SDK1: variants seen among roughly 807,000 people sequenced by gnomAD.
SDK1 encodes the protein protein sidekick-1.
Under a neutral mutation model 245.5 loss-of-function variants are expected in SDK1, and 157 were observed. That is an observed-to-expected ratio of 0.64 (90% CI 0.56 to 0.73). The LOEUF is 0.73. Ranked by LOEUF, SDK1 falls within the 30% of genes least tolerant of loss-of-function variation. The pLI, the probability that SDK1 is intolerant of heterozygous loss-of-function variation, is 0.00. For missense variants in SDK1, 3,583 were observed against 3,002.3 expected (o/e 1.19, Z -4.52); for synonymous variants, 1,647 against 1,278.5 (o/e 1.29, Z -6.15).
chr7:4,087,479 G>GCGCACACA (rs1554336240), intron 22 of SDK1, among the ~76,000 whole-genome samples: 23 of 150,356 alleles, frequency 1.5e-4, no homozygotes, highest in African/African-American at 5.1e-4. Flanking sequence ...ACACACGCGC[G>GCGCACACA]CACACACACA....
intron 4 of SDK1, among the ~76,000 whole-genome samples, chr7:3,755,942 T>C (rs2114983436): frequency 6.6e-6 from 1 of 152,104 alleles, no homozygotes. Context: ...ATGTATATCG[T>C]TTTAACTCTG....
At chr7:4,154,392 A>G (rs969027883) in intron 30 of SDK1, among the ~76,000 whole-genome samples, 1 of 152,170 alleles carries the variant, frequency 6.6e-6, no homozygotes, top group African/African-American at 2.4e-5. Context: ...AAGAGATTAG[A>G]TGGCAGATGT....
chr7:3,532,194 C>G (rs1783370512), intron 1 of SDK1, among the ~76,000 whole-genome samples: 1 of 152,198 alleles, frequency 6.6e-6, no homozygotes, highest in Non-Finnish European at 1.5e-5. Context: ...TCCAGTACCT[C>G]TTCTTTCTCC....
At chr7:4,158,387 A>C (rs896503039) in intron 30 of SDK1, 61 bp from the exon 31 acceptor site, 7 of 1,369,870 alleles carry the variant, frequency 5.1e-6, no homozygotes, top group Admixed American at 1.7e-5. Context: ...TTCACCAGGA[A>C]TGCCTGAGGG....
intron 42 of SDK1, 113 bp downstream of exon 42, chr7:4,237,897 T>G: frequency 7.8e-7 from 1 of 1,275,348 alleles, no homozygotes; most frequent in Non-Finnish European, 1.1e-6. Flanking sequence ...TTCATTTGCT[T>G]GTAGGTGCTG....
At chr7:3,801,960 T>C (rs1377296920) in intron 4 of SDK1, among the ~76,000 whole-genome samples, 1 of 152,254 alleles carries the variant, frequency 6.6e-6, no homozygotes, top group African/African-American at 2.4e-5. Flanking sequence ...CTTTCTGCTT[T>C]CATGGATTGA....
chr7:4,222,625 G>T (rs1003542824), intron 40 of SDK1, among the ~76,000 whole-genome samples: 5 of 152,182 alleles, frequency 3.3e-5, no homozygotes, highest in Non-Finnish European at 7.3e-5. Flanking sequence ...GAGAAACCTA[G>T]TGCAGAAGCG....
chr7:3,412,074 G>A (rs568954381), intron 1 of SDK1, among the ~76,000 whole-genome samples: 19 of 152,248 alleles, frequency 1.2e-4, no homozygotes, highest in South Asian at 6.2e-4. Flanking sequence ...GAAAGAAGGC[G>A]TGTTTAAATA....
chr7:3,652,554 T>G (rs1783042338), intron 4 of SDK1, among the ~76,000 whole-genome samples: 1 of 152,218 alleles, frequency 6.6e-6, no homozygotes, highest in South Asian at 2.1e-4. Flanking sequence ...GGATTTTTAT[T>G]TTCTCTATGA....
At chr7:3,874,790 C>T (rs1362911940) in intron 5 of SDK1, among the ~76,000 whole-genome samples, 1 of 152,272 alleles carries the variant, frequency 6.6e-6, no homozygotes, top group East Asian at 1.9e-4. Context: ...TCTAGCAGTG[C>T]CTTAAAGCTT....
chr7:3,716,977 A>T lies in SDK1; in HGVS notation c.713+74872A>T, dbSNP rs186551661. On this transcript the variant is annotated intron_variant, in intron 4 of 44. Coordinates refer to ENST00000404826, the MANE Select transcript of SDK1 (RefSeq NM_152744.4). The stretch of plus-strand genomic sequence containing the variant: ...TTTCACTTCATGAGTTTCCTAAATT[A>T]TATTTGAAGTTTGAAGAAAAAAAAT... 1.4e-3 allele frequency among the ~76,000 whole-genome samples: 208 copies of T among 152,264 alleles called. 2 individuals carry two copies. The highest frequency in any genetic ancestry group is 4.8e-3 in the African/African-American group (201 of 41,556).
At chr7:3,322,338 A>G (rs1779838453) in intron 1 of SDK1, among the ~76,000 whole-genome samples, 2 of 152,200 alleles carry the variant, frequency 1.3e-5, no homozygotes, top group Admixed American at 6.5e-5. Flanking sequence ...TGACTGAATA[A>G]TATTCCATTG....
At chr7:3,990,155 G>A (rs1012798938) in intron 14 of SDK1, among the ~76,000 whole-genome samples, 7 of 152,262 alleles carry the variant, frequency 4.6e-5, no homozygotes, top group African/African-American at 9.6e-5. Flanking sequence ...TCTGCACCAC[G>A]CAAACCAGTT....
intron 1 of SDK1, among the ~76,000 whole-genome samples, chr7:3,607,261 A>C (rs928368276): frequency 6.6e-6 from 1 of 152,172 alleles, no homozygotes; most frequent in African/African-American, 2.4e-5. Context: ...GTTCATAAGC[A>C]CCTTAGATCC....
At chr7:4,012,377 G>A in intron 16 of SDK1, 142 bp downstream of exon 16, 1 of 884,200 alleles carries the variant, frequency 1.1e-6, no homozygotes, top group African/African-American at 1.7e-5. Context: ...AGGGAGTGGT[G>A]GAGACTGTGG....
Position 3,821,572 on chromosome 7 carries a change from T to G in SDK1, c.836T>G (p.Leu279Trp). ...GENKTSPFIH[L>W]SIARDVGTPE... ...AACAAGACAAGCCCATTCATTCATT[T>G]GAGCATAGCAAGTGAGTTTTGAAAT... is the stretch of plus-strand genomic sequence containing the variant. Residue 279 changes from leucine (L) to tryptophan (W), a missense_variant, in exon 5 of 45, where the codon TTG (leucine) becomes TGG (tryptophan). Transcript: ENST00000404826. The G allele has an allele frequency of 6.2e-7, 1 of 1,613,152 alleles. No individual in the cohort carries two copies. The highest frequency in any genetic ancestry group is 8.5e-7 in the Non-Finnish European group (1 of 1,179,702).
Position 3,875,965 on chromosome 7 carries a change from A to G in SDK1, c.847+54382A>G, listed in dbSNP as rs1446792710. Reference sequence around the variant, plus strand: ...CACTTGCCTGGCAGTTCTCTTGAGCAAAGTCTAAGACACTGTTTCTCACAC... The same window carrying G: ...CACTTGCCTGGCAGTTCTCTTGAGCGAAGTCTAAGACACTGTTTCTCACAC... On this transcript the variant is annotated intron_variant, in intron 5 of 44. Transcript: ENST00000404826. Among the ~76,000 whole-genome samples the G allele has an allele frequency of 2.6e-5, 4 of 152,202 alleles. No individual in the cohort carries two copies. The East Asian group carries it at 7.7e-4, about 29-fold the overall frequency.
At chr7:4,100,473 C>T (rs1782460691) in intron 22 of SDK1, among the ~76,000 whole-genome samples, 1 of 152,004 alleles carries the variant, frequency 6.6e-6, no homozygotes, top group East Asian at 1.9e-4. Flanking sequence ...AGCGTGCCCC[C>T]AATTCCTGTG....
intron 4 of SDK1, among the ~76,000 whole-genome samples, chr7:3,729,874 T>G (rs528243897): frequency 6.6e-6 from 1 of 152,118 alleles, no homozygotes; most frequent in African/African-American, 2.4e-5. Flanking sequence ...AGTGAAGAAC[T>G]GAGAAAATGT....
Sources: gnomAD v4.1 joint callset for allele counts (sites outside exome capture counted in the v4.1 genomes callset) on GRCh38, gnomAD v4.1.1 for gene constraint, MANE v1.5 for transcripts, NCBI Gene and HGNC (gene_info 2026-07-23, HGNC 2026-07-21) for gene names.